Variants in ZNF410 observed in about 807,000 individuals in gnomAD.
The protein encoded by ZNF410 is another partner for ARF 1.
In ZNF410, 18 loss-of-function variants were observed where a neutral mutation model predicts 54.8. The observed-to-expected ratio is 0.33, with a 90% CI of 0.23 to 0.49. The LOEUF is 0.49. Among genes scored for constraint, ZNF410 ranks in the 20% least tolerant of loss-of-function variants. The probability of loss-of-function intolerance (pLI) is 0.99; values close to 1 mark genes in which losing one functional copy is unlikely to be tolerated. For synonymous variants in ZNF410, 191 were observed against 207.3 expected, an observed-to-expected ratio of 0.92 and a Z score of 0.68; for missense variants, 405 against 569.6, an observed-to-expected ratio of 0.71 and a Z score of 2.94.
chr14:73,927,491 A>G (rs1335906667), intron 11 of ZNF410, among the ~76,000 whole-genome samples: 1 of 152,200 alleles, frequency 6.6e-6, no homozygotes, highest in Admixed American at 6.6e-5. Context: ...ACACATTATT[A>G]TTCGAGCAAG....
chr14:73,899,859 G>A (rs2055378531), intron 5 of ZNF410, among the ~76,000 whole-genome samples: 2 of 152,146 alleles, frequency 1.3e-5, no homozygotes, highest in Admixed American at 6.5e-5. Flanking sequence ...AAAGTATGTT[G>A]CCTTACTATC....
chr14:73,896,135 C>G, intron 3 of ZNF410, 181 bp from the exon 4 acceptor site: 3 of 583,438 alleles, frequency 5.1e-6, no homozygotes, highest in Admixed American at 3.2e-5. Context: ...GGCTGACTGC[C>G]TTTGGAACAT....
rs906481832 is a variant in ZNF410, at chr14:73,918,997, C to CTTT, written c.1004-1955_1004-1953dup. Among the ~76,000 whole-genome samples the CTTT allele has an allele frequency of 5.5e-3, 332 of 60,640 alleles. 37 individuals carry two copies. Among genetic ancestry groups the CTTT allele is most frequent in the East Asian group, 0.023 (30 of 1,294 alleles). The allele number at this position is 60,640 out of a possible 152,430, so 39.8% of individuals were successfully genotyped here. On this transcript the variant is annotated intron_variant, in intron 8 of 11. Coordinates refer to ENST00000555044, the MANE Select transcript of ZNF410 (RefSeq NM_021188.3). ...ACAGGAGTAAGCCACCGTGCCCGGCCTTTTTTTTTTTTTTTTTTTTTTTTT... is the reference window on the plus strand; with the variant it reads ...ACAGGAGTAAGCCACCGTGCCCGGCCTTTTTTTTTTTTTTTTTTTTTTTTTTTT...
At chr14:73,909,590 A>G (rs2055544895) in intron 8 of ZNF410, 160 bp downstream of exon 8, 4 of 512,436 alleles carry the variant, frequency 7.8e-6, no homozygotes, top group Non-Finnish European at 6.9e-6. Context: ...AAGGCCCTTA[A>G]TTCTTATAAT....
chr14:73,908,272 T>C (rs1215050795), intron 7 of ZNF410, among the ~76,000 whole-genome samples: 1 of 152,224 alleles, frequency 6.6e-6, no homozygotes, highest in Non-Finnish European at 1.5e-5. Context: ...ATGCAGAGAT[T>C]TCATGCCATT....
At chr14:73,903,326 T>C (rs2055436060) in intron 5 of ZNF410, among the ~76,000 whole-genome samples, 1 of 152,170 alleles carries the variant, frequency 6.6e-6, no homozygotes, top group Non-Finnish European at 1.5e-5. Context: ...CCAAACTGTG[T>C]AATGCAAAAT....
At chr14:73,920,739 C>T in intron 8 of ZNF410, 1 of 454,994 alleles carries the variant, frequency 2.2e-6, no homozygotes, top group South Asian at 2.7e-5. Flanking sequence ...GTGAAGGCAG[C>T]ATTACAGAAG....
At position 73,931,535 on chromosome 14, in the gene ZNF410, G is replaced by A. The variant is rs2055915285; in HGVS notation, c.1431G>A (p.Arg477=). 1 of 1,608,412 alleles carries A rather than the reference G, an allele frequency of 6.2e-7. No homozygotes were observed. The change falls in exon 12 of 12, where the codon CGG becomes CGA. Residue 477 remains arginine (R), a synonymous_variant. Transcript: ENST00000555044. ...LLNQGDLTER[R]T ...ACCAAGGAGATTTAACTGAAAGACGGACATGAGCGTGGGTGCTGACTCCTG... is the reference window on the plus strand; with the variant it reads ...ACCAAGGAGATTTAACTGAAAGACGAACATGAGCGTGGGTGCTGACTCCTG...
At chr14:73,895,110 A>T (rs2055294759) in intron 3 of ZNF410, 1 of 152,226 alleles carries the variant, frequency 6.6e-6, no homozygotes, top group South Asian at 2.1e-4. Flanking sequence ...TGATCACACC[A>T]CTGTACTCCA....
chr14:73,919,035 T>A (rs770884503), intron 8 of ZNF410, among the ~76,000 whole-genome samples: 1 of 103,728 alleles, frequency 9.6e-6, no homozygotes, highest in Non-Finnish European at 1.8e-5. Flanking sequence ...TTTGACAGAG[T>A]CTCACTCTGG....
intron 1 of ZNF410, among the ~76,000 whole-genome samples, chr14:73,891,062 A>G (rs11624671): frequency 0.31 from 46,367 of 151,544 alleles, 9,018 homozygotes; most frequent in Non-Finnish European, 0.42. Context: ...TGAGAGCACT[A>G]CCTTTGGGAA....
intron 8 of ZNF410, chr14:73,913,190 A>T (rs1428351012): frequency 6.6e-6 from 1 of 152,180 alleles, no homozygotes; most frequent in Non-Finnish European, 1.5e-5. Flanking sequence ...CAGCCTCCCC[A>T]GTAGCTGGGA....
At chr14:73,909,213 T>A in intron 7 of ZNF410, 128 bp from the exon 8 acceptor site, 1 of 767,670 alleles carries the variant, frequency 1.3e-6, no homozygotes, top group Non-Finnish European at 2.1e-6. Context: ...CCAGTTGAAA[T>A]TATAACATGA....
chr14:73,920,903 G>T, intron 8 of ZNF410, 77 bp from the exon 9 acceptor site: 4 of 1,574,564 alleles, frequency 2.5e-6, no homozygotes, highest in Non-Finnish European at 3.5e-6. Flanking sequence ...ACATTCTCTG[G>T]GTTTCTCCAT....
intron 8 of ZNF410, 177 bp downstream of exon 8, chr14:73,909,607 T>TGC: frequency 2.3e-6 from 1 of 437,686 alleles, no homozygotes; most frequent in Non-Finnish European, 4.1e-6. Context: ...TAATCAAGGT[T>TGC]GGGGGGGGGA....
At chr14:73,892,696 T>G (rs1167014167) in intron 2 of ZNF410, among the ~76,000 whole-genome samples, 1 of 152,222 alleles carries the variant, frequency 6.6e-6, no homozygotes, top group Non-Finnish European at 1.5e-5. Context: ...GGAATCAGAT[T>G]ACTTAAATTT....
At chr14:73,909,570 A>C in intron 8 of ZNF410, 140 bp downstream of exon 8, 1 of 606,914 alleles carries the variant, frequency 1.6e-6, no homozygotes, top group Non-Finnish European at 2.8e-6. Context: ...TCATGACAGA[A>C]TCAGAAATCA....
At chr14:73,916,573 A>G (rs1384144563) in intron 8 of ZNF410, 1 of 152,092 alleles carries the variant, frequency 6.6e-6, no homozygotes, top group Non-Finnish European at 1.5e-5. Context: ...TAACACAACA[A>G]CAGTTCCCAG....
chr14:73,905,415 T>C (rs1391364225), intron 7 of ZNF410: 1 of 193,018 alleles, frequency 5.2e-6, no homozygotes. Context: ...TGCGCAGTTA[T>C]GATTTTGGGC....
Sources: allele counts gnomAD v4.1 joint callset (sites outside exome capture counted in the v4.1 genomes callset), GRCh38; gene constraint gnomAD v4.1.1; transcripts MANE v1.5; gene names NCBI Gene and HGNC (gene_info 2026-07-23, HGNC 2026-07-21).